The following KCNIP4 variants were observed in gnomAD, a reference collection of about 807,000 sequenced individuals.
The protein encoded by KCNIP4 is Kv channel-interacting protein 4.
In KCNIP4, 12 loss-of-function variants were observed where a neutral mutation model predicts 34.0. That is an observed-to-expected ratio of 0.35 (90% CI 0.23 to 0.57). KCNIP4 has a LOEUF of 0.57. KCNIP4 is among the 20% of genes least tolerant of loss of function. The probability of loss-of-function intolerance (pLI) is 0.83; values close to 1 mark genes in which losing one functional copy is unlikely to be tolerated. For missense variants in KCNIP4, 238 were observed against 311.7 expected, an observed-to-expected ratio of 0.76 and a Z score of 1.78; for synonymous variants, 124 against 102.2, an observed-to-expected ratio of 1.21 and a Z score of -1.29.
intron 1 of KCNIP4, among the ~76,000 whole-genome samples, chr4:21,928,280 T>G (rs1180707804): frequency 1.3e-5 from 2 of 152,054 alleles, no homozygotes; most frequent in Non-Finnish European, 2.9e-5. Context: ...TGGACACTGC[T>G]AGATGACTTC....
intron 1 of KCNIP4, among the ~76,000 whole-genome samples, chr4:21,486,841 G>A (rs1731963718): frequency 6.8e-6 from 1 of 147,386 alleles, no homozygotes; most frequent in Non-Finnish European, 1.5e-5. Flanking sequence ...GTTTTGCTCT[G>A]TCACCCAGGC....
At chr4:20,942,975 G>A (rs1731795190) in intron 1 of KCNIP4, among the ~76,000 whole-genome samples, 1 of 152,100 alleles carries the variant, frequency 6.6e-6, no homozygotes, top group South Asian at 2.1e-4. Flanking sequence ...CCCAGCCTCT[G>A]CTATTTCATT....
chr4:21,554,620 C>G (rs1738839542), intron 1 of KCNIP4, among the ~76,000 whole-genome samples: 2 of 152,056 alleles, frequency 1.3e-5, no homozygotes, highest in Admixed American at 6.6e-5. Flanking sequence ...TTTGCAGAAA[C>G]AATTCCTTCT....
At chr4:20,881,186 A>G (rs1277802882) in intron 2 of KCNIP4, among the ~76,000 whole-genome samples, 1 of 152,204 alleles carries the variant, frequency 6.6e-6, no homozygotes, top group Non-Finnish European at 1.5e-5. Context: ...TTATGATGAT[A>G]TATCACCTTT....
chr4:21,708,310 G>A (rs1560649578), intron 1 of KCNIP4, among the ~76,000 whole-genome samples: 1 of 151,888 alleles, frequency 6.6e-6, no homozygotes, highest in Non-Finnish European at 1.5e-5. Context: ...TTTTCTCAAA[G>A]TACAATGTTT....
At chr4:21,156,187 G>C (rs1753134634) in intron 1 of KCNIP4, among the ~76,000 whole-genome samples, 1 of 152,124 alleles carries the variant, frequency 6.6e-6, no homozygotes, top group Non-Finnish European at 1.5e-5. Context: ...CCTATTAGAT[G>C]GCAGCTGTAC....
At chr4:21,117,190 G>C (rs1749749648) in intron 1 of KCNIP4, among the ~76,000 whole-genome samples, 1 of 150,916 alleles carries the variant, frequency 6.6e-6, no homozygotes. Context: ...TCTAATTCTA[G>C]AGCAGCAACT....
chr4:21,043,714 ACTG>A (rs926968628), intron 1 of KCNIP4, among the ~76,000 whole-genome samples: 5 of 152,074 alleles, frequency 3.3e-5, no homozygotes, highest in African/African-American at 9.7e-5. Context: ...TATGCCAGAA[ACTG>A]CTATTTTTTC....
chr4:21,103,651 G>A (rs921719349), intron 1 of KCNIP4, among the ~76,000 whole-genome samples: 8 of 150,402 alleles, frequency 5.3e-5, no homozygotes, highest in African/African-American at 7.4e-5. Flanking sequence ...AGTTACATAC[G>A]TATACATGTG....
intron 1 of KCNIP4, among the ~76,000 whole-genome samples, chr4:21,231,214 C>T (rs1420491858): frequency 6.6e-6 from 1 of 152,028 alleles, no homozygotes; most frequent in African/African-American, 2.4e-5. Flanking sequence ...TGGAGGCATG[C>T]CAAAATTCTC....
In KCNIP4 at chr4:21,291,919, GAAAGAAAGAAAGAAAGA is replaced by G. The variant is rs1560260106; in HGVS notation, c.62-409227_62-409211del. On this transcript the variant is annotated intron_variant, in intron 1 of 8. Transcript: ENST00000382152. ...AGAAAGAAAGAAAGAAAGAAAGAAA[GAAAGAAAGAAAGAAAGA>G]AAAAAAAAGAAAAAAGTCTGATGAA... is the stretch of plus-strand genomic sequence containing the variant. Among the ~76,000 whole-genome samples the G allele has an allele frequency of 1.9e-4, 12 of 61,798 alleles. 1 individual carries two copies. Among genetic ancestry groups the G allele is most frequent in the Middle Eastern group, 0.014 (2 of 138 alleles). The allele number at this position is 61,798 out of a possible 152,430, so 40.5% of individuals were successfully genotyped here.
chr4:21,314,314 T>C (rs906194690), intron 1 of KCNIP4, among the ~76,000 whole-genome samples: 2 of 152,208 alleles, frequency 1.3e-5, no homozygotes, highest in African/African-American at 4.8e-5. Flanking sequence ...ATTAGGAACC[T>C]TAGTTACAGC....
chr4:21,899,465 G>A (rs1727586532), intron 1 of KCNIP4, among the ~76,000 whole-genome samples: 2 of 151,676 alleles, frequency 1.3e-5, no homozygotes, highest in Non-Finnish European at 2.9e-5. Flanking sequence ...AAAAGTAAAG[G>A]GCATCAAAAT....
At chr4:21,661,840 A>G (rs1288080101) in intron 1 of KCNIP4, among the ~76,000 whole-genome samples, 1 of 152,244 alleles carries the variant, frequency 6.6e-6, no homozygotes, top group African/African-American at 2.4e-5. Flanking sequence ...TACTAGTGCC[A>G]AAGGCAAAGA....
intron 1 of KCNIP4, among the ~76,000 whole-genome samples, chr4:21,718,092 G>T (rs943558739): frequency 2.6e-5 from 4 of 152,170 alleles, no homozygotes; most frequent in African/African-American, 9.7e-5. Context: ...TATAACTTCT[G>T]AGAACACCAC....
intron 1 of KCNIP4, among the ~76,000 whole-genome samples, chr4:21,348,115 T>C (rs1717639924): frequency 6.6e-6 from 1 of 152,184 alleles, no homozygotes; most frequent in African/African-American, 2.4e-5. Context: ...GGGCAGTTAT[T>C]CATGGTATCC....
intron 1 of KCNIP4, among the ~76,000 whole-genome samples, chr4:21,752,963 C>T (rs1365497741): frequency 4.6e-5 from 7 of 152,148 alleles, no homozygotes. Flanking sequence ...ACTTTATTGA[C>T]CATAAAATGT....
intron 1 of KCNIP4, among the ~76,000 whole-genome samples, chr4:21,766,445 G>T (rs1171547175): frequency 6.6e-6 from 1 of 152,046 alleles, no homozygotes; most frequent in Non-Finnish European, 1.5e-5. Context: ...AAAATCCTGG[G>T]CTTCCAATCT....
intron 1 of KCNIP4, among the ~76,000 whole-genome samples, chr4:21,561,593 T>G (rs561018662): frequency 6.6e-6 from 1 of 151,982 alleles, no homozygotes; most frequent in Non-Finnish European, 1.5e-5. Context: ...GCAGTTCTAT[T>G]GTTTTTCCTT....
Sources: gnomAD v4.1 joint callset for allele counts (sites outside exome capture counted in the v4.1 genomes callset) on GRCh38, gnomAD v4.1.1 for gene constraint, MANE v1.5 for transcripts, NCBI Gene and HGNC (gene_info 2026-07-23, HGNC 2026-07-21) for gene names.